Variants in C2CD5 observed in about 807,000 individuals in gnomAD.
C2CD5 encodes C2 calcium dependent domain containing 5.
In C2CD5, 109 loss-of-function variants were observed where a neutral mutation model predicts 130.3. That is an observed-to-expected ratio of 0.84 (90% CI 0.72 to 0.98). C2CD5 has a LOEUF of 0.98. Ranked by LOEUF, C2CD5 falls within the 50% of genes least tolerant of loss-of-function variation. C2CD5 has a pLI of 0.00. For synonymous variants in C2CD5, 454 were observed against 429.2 expected, an observed-to-expected ratio of 1.06 and a Z score of -0.71; for missense variants, 996 against 1,261.8, an observed-to-expected ratio of 0.79 and a Z score of 3.19.
intron 2 of C2CD5, among the ~76,000 whole-genome samples, chr12:22,541,635 A>G (rs759216830): frequency 1.3e-5 from 2 of 152,000 alleles, no homozygotes; most frequent in African/African-American, 2.4e-5. Flanking sequence ...ACACACAAAT[A>G]TGCTCCCTCA....
intron 2 of C2CD5, among the ~76,000 whole-genome samples, chr12:22,541,991 C>A (rs1952435342): frequency 6.6e-6 from 1 of 152,172 alleles, no homozygotes; most frequent in African/African-American, 2.4e-5. Flanking sequence ...TGAATCAGCC[C>A]CCTTCCTCAC....
intron 3 of C2CD5, among the ~76,000 whole-genome samples, chr12:22,528,653 T>A (rs1435371211): frequency 6.6e-6 from 1 of 152,084 alleles, no homozygotes; most frequent in East Asian, 1.9e-4. Context: ...TTTCTATAAT[T>A]AGAAAATTAT....
intron 3 of C2CD5, among the ~76,000 whole-genome samples, chr12:22,531,002 C>A (rs1035057041): frequency 2.6e-5 from 4 of 151,928 alleles, no homozygotes; most frequent in Admixed American, 1.3e-4. Flanking sequence ...GAAAACTATT[C>A]GTTTTTAACC....
intron 3 of C2CD5, among the ~76,000 whole-genome samples, chr12:22,530,143 GTA>G (rs199912283): frequency 0.023 from 2,780 of 119,974 alleles, 95 homozygotes; most frequent in African/African-American, 0.083. Context: ...CACACACAGT[GTA>G]TATATATTAT....
intron 3 of C2CD5, among the ~76,000 whole-genome samples, chr12:22,532,768 C>A (rs74068218): frequency 0.035 from 5,376 of 152,226 alleles, 348 homozygotes; most frequent in African/African-American, 0.12. Context: ...CCCTTGTTCT[C>A]TTTCACTGAA....
intron 2 of C2CD5, among the ~76,000 whole-genome samples, chr12:22,543,448 TTG>T (rs1952606295): frequency 6.6e-6 from 1 of 152,256 alleles, no homozygotes. Flanking sequence ...AGTGTTGCAG[TTG>T]TGTTTTAGAA....
intron 10 of C2CD5, among the ~76,000 whole-genome samples, chr12:22,505,183 T>G (rs1473690363): frequency 6.6e-6 from 1 of 151,718 alleles, no homozygotes. Context: ...ATGCTCTGTA[T>G]CCTCAAAAAT....
chr12:22,543,924 G>GT (rs1952670897), intron 2 of C2CD5, 137 bp downstream of exon 2: 1 of 656,486 alleles, frequency 1.5e-6, no homozygotes, highest in African/African-American at 1.8e-5. Flanking sequence ...GTCATCCCTC[G>GT]TGGGAGAGCT....
At chr12:22,490,051 C>A in intron 12 of C2CD5, 72 bp downstream of exon 12, 2 of 1,083,134 alleles carry the variant, frequency 1.8e-6, no homozygotes, top group South Asian at 2.6e-5. Context: ...AGAATTATCC[C>A]AACTCTCAGA....
chr12:22,500,115 C>T lies in C2CD5; in HGVS notation c.1147+6596G>A, dbSNP rs182707951. Reference sequence around the variant, plus strand: ...ATGAAAATCACTTGAACCTGGGAGGCGGAGGTTGCAGTGAGCTGAGATCAC... The same window carrying T: ...ATGAAAATCACTTGAACCTGGGAGGTGGAGGTTGCAGTGAGCTGAGATCAC... On this transcript the variant is annotated intron_variant, in intron 10 of 26. Coordinates refer to ENST00000446597, the MANE Select transcript of C2CD5 (RefSeq NM_001286176.2). 5.9e-5 allele frequency among the ~76,000 whole-genome samples: 9 copies of T among 152,126 alleles called. No individual in the cohort carries two copies. The South Asian group carries it at 8.3e-4, about 14-fold the overall frequency.
chr12:22,530,575 G>A (rs1226670196), intron 3 of C2CD5, among the ~76,000 whole-genome samples: 7 of 151,248 alleles, frequency 4.6e-5, no homozygotes, highest in Admixed American at 4.6e-4. Flanking sequence ...CTTGGGCCTC[G>A]GCCTCCCACA....
chr12:22,453,850 A>C, intron 26 of C2CD5, 46 bp downstream of exon 26: 1 of 1,589,820 alleles, frequency 6.3e-7, no homozygotes, highest in East Asian at 2.2e-5. Context: ...GCCATGGAAG[A>C]AATTCTCAGG....
chr12:22,456,986 A>C lies in C2CD5; in HGVS notation c.2862T>G (p.Thr954=). ...ATAAAATTACCTCCCGAAGAGAAGT[A>C]GTCTCTCGAATAAAAAACATGTTAA... The part of the protein sequence containing the change: ...GIINMFFIRE[T]TSLREEGGVS... Residue 954 remains threonine, a synonymous_variant, in exon 25 of 27, where the codon ACT becomes ACG. Coordinates refer to ENST00000446597, the MANE Select transcript of C2CD5 (RefSeq NM_001286176.2). 2 of 1,586,348 alleles carry C rather than the reference A, an allele frequency of 1.3e-6. No individual in the cohort carries two copies. The highest frequency in any genetic ancestry group is 1.7e-6 in the Non-Finnish European group (2 of 1,163,204).
At chr12:22,471,933 C>T (rs377236503) in intron 19 of C2CD5, 34 bp downstream of exon 19, 59 of 1,072,500 alleles carry the variant, frequency 5.5e-5, no homozygotes, top group South Asian at 3.1e-4. Flanking sequence ...TTATTATAGA[C>T]GCATGAAATA....
intron 6 of C2CD5, 65 bp from the exon 7 acceptor site, chr12:22,523,689 A>C: frequency 8.8e-7 from 1 of 1,142,186 alleles, no homozygotes; most frequent in Non-Finnish European, 1.2e-6. Context: ...AAGACTGGAC[A>C]TGGTAGTGGT....
intron 22 of C2CD5, among the ~76,000 whole-genome samples, chr12:22,466,431 T>C (rs1486696749): frequency 6.6e-6 from 1 of 152,116 alleles, no homozygotes; most frequent in Non-Finnish European, 1.5e-5. Flanking sequence ...AACAGAGAAA[T>C]CTTTTGAGCA....
At chr12:22,505,711 A>C (rs1385272370) in intron 10 of C2CD5, among the ~76,000 whole-genome samples, 1 of 152,114 alleles carries the variant, frequency 6.6e-6, no homozygotes, top group African/African-American at 2.4e-5. Context: ...AGGATTTCTG[A>C]TCAAAGGGCC....
intron 10 of C2CD5, among the ~76,000 whole-genome samples, chr12:22,495,183 A>G (rs1946852781): frequency 6.6e-6 from 1 of 152,124 alleles, no homozygotes; most frequent in African/African-American, 2.4e-5. Flanking sequence ...AGAAGTTTAA[A>G]ATATTATTTT....
chr12:22,458,146 C>T (rs1049595119), intron 24 of C2CD5, among the ~76,000 whole-genome samples: 7 of 152,084 alleles, frequency 4.6e-5, no homozygotes, highest in Admixed American at 3.9e-4. Flanking sequence ...ACAGATGCCA[C>T]ATACTAAATA....
Sources: gnomAD v4.1 joint callset for allele counts (sites outside exome capture counted in the v4.1 genomes callset) on GRCh38, gnomAD v4.1.1 for gene constraint, MANE v1.5 for transcripts, NCBI Gene and HGNC (gene_info 2026-07-23, HGNC 2026-07-21) for gene names.